Variants in PPP4R3A observed in about 807,000 individuals in gnomAD.
The protein encoded by PPP4R3A is protein phosphatase 4 regulatory subunit 3A.
Under a neutral mutation model 91.7 loss-of-function variants are expected in PPP4R3A, and 15 were observed. The observed-to-expected ratio is 0.16, with a 90% confidence interval of 0.11 to 0.25. The LOEUF (loss-of-function observed/expected upper bound fraction) is 0.25. PPP4R3A is among the 10% of genes least tolerant of loss of function. The probability of loss-of-function intolerance (pLI) is 1.00; values close to 1 mark genes in which losing one functional copy is unlikely to be tolerated. For synonymous variants in PPP4R3A, 377 were observed against 348.7 expected, an observed-to-expected ratio of 1.08 and a Z score of -0.91; for missense variants, 623 against 998.4, an observed-to-expected ratio of 0.62 and a Z score of 5.07.
At chr14:91,505,174 C>T (rs375071934) in intron 1 of PPP4R3A, among the ~76,000 whole-genome samples, 7 of 152,042 alleles carry the variant, frequency 4.6e-5, no homozygotes, top group South Asian at 2.1e-4. Context: ...GAAACGCGGC[C>T]GGGTGTGGTG....
At position 91,462,062 on chromosome 14, in the gene PPP4R3A, C is replaced by T; in HGVS notation, c.2151G>A (p.Met717Ile). Residue 717 changes from methionine to isoleucine, a missense_variant, in exon 13 of 15, where the codon ATG (methionine) becomes ATA (isoleucine). Met to Ile is a conservative substitution (Grantham distance 10, BLOSUM62 1). This residue lies in a region of PPP4R3A where 201 missense variants were observed against 229.9 expected (regional missense o/e 0.87). Coordinates refer to ENST00000554943, the MANE Select transcript of PPP4R3A (RefSeq NM_001366432.2). ...TTTCCAACATACATTTCTTCCTTTC[C>T]ATGAATTTACTTATTGGATCCATAA... Reference protein sequence around the residue: ...DDIMDPISKFMERKKLKESEE... With the variant: ...DDIMDPISKFIERKKLKESEE... 1 of 1,512,680 alleles carries T rather than the reference C, an allele frequency of 6.6e-7. No individual in the cohort carries two copies. Among genetic ancestry groups the T allele is most frequent in the Non-Finnish European group, 8.8e-7 (1 of 1,131,510 alleles). The allele number at this position is 1,512,680 out of a possible 1,614,324, so 93.7% of individuals were successfully genotyped here. A position where few individuals can be genotyped will look rare whatever the true frequency, so the allele number is the denominator to read the frequency against.
In PPP4R3A at chr14:91,458,640, A is replaced by G; in HGVS notation, c.*119T>C. Reference sequence around the variant, plus strand: ...TTGATGAGCAGAAGTCAAGTGTAAGAGGCTGATCTGTGTCAGTCATTCACA... The same window carrying G: ...TTGATGAGCAGAAGTCAAGTGTAAGGGGCTGATCTGTGTCAGTCATTCACA... On this transcript the variant is annotated 3_prime_UTR_variant, in exon 15 of 15. Coordinates refer to ENST00000554943, the MANE Select transcript of PPP4R3A (RefSeq NM_001366432.2). 7.0e-7 allele frequency: 1 copy of G among 1,419,786 alleles called. No individual in the cohort carries two copies. The highest frequency in any genetic ancestry group is 1.2e-5 in the South Asian group (1 of 86,438). The allele number at this position is 1,419,786 out of a possible 1,614,324, so 87.9% of individuals were successfully genotyped here.
intron 1 of PPP4R3A, among the ~76,000 whole-genome samples, chr14:91,497,763 A>G (rs1890671803): frequency 6.6e-6 from 1 of 152,152 alleles, no homozygotes; most frequent in African/African-American, 2.4e-5. Flanking sequence ...ATTACCCTAC[A>G]CCCTCAGATA....
rs1425607959 is a variant in PPP4R3A, at chr14:91,458,093, C to A, written c.*666G>T. 1.3e-5 allele frequency: 2 copies of A among 151,666 alleles called. No individual in the cohort carries two copies. The highest frequency in any genetic ancestry group is 2.9e-5 in the Non-Finnish European group (2 of 68,100). The allele number at this position is 151,666 out of a possible 1,614,324, so 9.4% of individuals were successfully genotyped here. On this transcript the variant is annotated 3_prime_UTR_variant, in exon 15 of 15. Transcript: ENST00000554943. ...ACACTCAGGGGAGGAAAAAAAAAAT[C>A]AAAAACAAAATAAAACAAAAAAATT...
intron 4 of PPP4R3A, among the ~76,000 whole-genome samples, chr14:91,479,323 T>TGTA (rs1179214270): frequency 6.6e-6 from 1 of 151,624 alleles, no homozygotes; most frequent in African/African-American, 2.4e-5. Flanking sequence ...TGTGTGTGTG[T>TGTA]GTGTGTATGG....
In PPP4R3A at chr14:91,458,440, C is replaced by A; in HGVS notation, c.*319G>T. On this transcript the variant is annotated 3_prime_UTR_variant, in exon 15 of 15. Coordinates refer to ENST00000554943, the MANE Select transcript of PPP4R3A (RefSeq NM_001366432.2). ...CCAAGAAAGCATATTCTGATTGTAG[C>A]AACTGACCAGTCAATCCAGAGTTCC... 2.6e-6 allele frequency: 1 copy of A among 389,732 alleles called. No individual in the cohort carries two copies. The allele number at this position is 389,732 out of a possible 1,614,324, so 24.1% of individuals were successfully genotyped here. A position where few individuals can be genotyped will look rare whatever the true frequency, so the allele number is the denominator to read the frequency against.
At position 91,509,895 on chromosome 14, in the gene PPP4R3A, C is replaced by A; in HGVS notation, c.-248G>T. 1 of 1,078,004 alleles carries A rather than the reference C, an allele frequency of 9.3e-7. No individual in the cohort carries two copies. Among genetic ancestry groups the A allele is most frequent in the African/African-American group, 1.7e-5 (1 of 59,734 alleles). The allele number at this position is 1,078,004 out of a possible 1,614,324, so 66.8% of individuals were successfully genotyped here. A position where few individuals can be genotyped will look rare whatever the true frequency, so the allele number is the denominator to read the frequency against. On this transcript the variant is annotated 5_prime_UTR_variant, in exon 1 of 15. Coordinates refer to ENST00000554943, the MANE Select transcript of PPP4R3A (RefSeq NM_001366432.2). ...TGTCCAGGCCTGGCGAGCCCGGCGC[C>A]CGGCAGCCCCGAGGGGGCCGCGCAG... is the stretch of plus-strand genomic sequence containing the variant.
chr14:91,472,476 T>C (rs1312073035), intron 9 of PPP4R3A, among the ~76,000 whole-genome samples: 1 of 151,052 alleles, frequency 6.6e-6, no homozygotes, highest in East Asian at 1.9e-4. Flanking sequence ...TTTTTTTTTT[T>C]TGAGTTGAAG....
intron 11 of PPP4R3A, 69 bp from the exon 12 acceptor site, chr14:91,462,946 A>G (rs1351092409): frequency 2.3e-6 from 2 of 853,438 alleles, no homozygotes; most frequent in Admixed American, 2.7e-5. Flanking sequence ...GCTTAATTTA[A>G]TCAATTCATA....
intron 1 of PPP4R3A, among the ~76,000 whole-genome samples, chr14:91,499,438 TG>T (rs1938191611): frequency 1.3e-5 from 2 of 152,024 alleles, no homozygotes; most frequent in Admixed American, 1.3e-4. Context: ...TGACATTAAT[TG>T]ATGTCCCAAA....
chr14:91,472,065 CA>C (rs549919322), intron 9 of PPP4R3A, among the ~76,000 whole-genome samples: 796 of 70,262 alleles, frequency 0.011, 1 homozygote, highest in African/African-American at 0.02. Flanking sequence ...ATTCTGTCTC[CA>C]AAAAAAAAAA....
At chr14:91,503,843 G>T (rs1223733529) in intron 1 of PPP4R3A, among the ~76,000 whole-genome samples, 2 of 152,084 alleles carry the variant, frequency 1.3e-5, no homozygotes, top group Non-Finnish European at 2.9e-5. Flanking sequence ...TACACTGAAA[G>T]AATTAAAAAT....
At chr14:91,465,642 T>G (rs963554664) in intron 10 of PPP4R3A, among the ~76,000 whole-genome samples, 3 of 152,124 alleles carry the variant, frequency 2.0e-5, no homozygotes, top group Non-Finnish European at 4.4e-5. Context: ...AGAACACAAG[T>G]CTTAGAAAGC....
intron 4 of PPP4R3A, 44 bp from the exon 5 acceptor site, chr14:91,477,030 G>A: frequency 2.1e-6 from 3 of 1,439,092 alleles, no homozygotes; most frequent in Non-Finnish European, 1.9e-6. Context: ...TGCTAAGATT[G>A]TCCTAAAATA....
chr14:91,486,920 A>ATAAAT (rs772968064), intron 2 of PPP4R3A, among the ~76,000 whole-genome samples: 1,671 of 147,260 alleles, frequency 0.011, 16 homozygotes, highest in Non-Finnish European at 0.019. Flanking sequence ...AAAAAAAAAA[A>ATAAAT]AAAATAGAGA....
At chr14:91,484,489 C>A (rs962237300) in intron 3 of PPP4R3A, among the ~76,000 whole-genome samples, 1 of 152,196 alleles carries the variant, frequency 6.6e-6, no homozygotes, top group East Asian at 1.9e-4. Context: ...CGAACTAGAA[C>A]AGCAGAGGTG....
intron 7 of PPP4R3A, chr14:91,474,761 TA>T (rs1379959533): frequency 1.3e-5 from 2 of 152,106 alleles, no homozygotes; most frequent in Non-Finnish European, 2.9e-5. Context: ...TATCTGGGAC[TA>T]TGGGTGCATG....
At chr14:91,490,143 C>T (rs1890151127) in intron 2 of PPP4R3A, among the ~76,000 whole-genome samples, 1 of 152,198 alleles carries the variant, frequency 6.6e-6, no homozygotes, top group Admixed American at 6.5e-5. Flanking sequence ...ACGTGAAGCG[C>T]ACGCGCGTGT....
At chr14:91,465,855 C>T (rs1318618893) in intron 10 of PPP4R3A, among the ~76,000 whole-genome samples, 1 of 152,124 alleles carries the variant, frequency 6.6e-6, no homozygotes, top group Non-Finnish European at 1.5e-5. Flanking sequence ...TATTTTTGGA[C>T]ACTCTTATTA....
Sources: gnomAD v4.1 joint callset for allele counts (sites outside exome capture counted in the v4.1 genomes callset) on GRCh38, gnomAD v4.1.1 for gene constraint, gnomAD v4.1.1 regional missense constraint, MANE v1.5 for transcripts, NCBI Gene and HGNC (gene_info 2026-07-23, HGNC 2026-07-21) for gene names.